RPA1: variants seen among roughly 807,000 people sequenced by gnomAD.
RPA1 encodes replication protein A1.
In RPA1, 49 loss-of-function variants were observed where a neutral mutation model predicts 83.0. The ratio of observed to expected loss-of-function variants is 0.59; its 90% CI spans 0.47 to 0.75. The LOEUF (loss-of-function observed/expected upper bound fraction) is 0.75, where lower values mean the gene tolerates loss of function less well. RPA1 is among the 30% of genes least tolerant of loss of function. RPA1 has a pLI of 0.00. For missense variants in RPA1, 693 were observed against 776.1 expected (o/e 0.89, Z 1.27); for synonymous variants, 279 against 281.8 (o/e 0.99, Z 0.10).
At chr17:1,831,862 G>A (rs888677591) in intron 1 of RPA1, among the ~76,000 whole-genome samples, 2 of 144,946 alleles carry the variant, frequency 1.4e-5, no homozygotes, top group African/African-American at 5.1e-5. Context: ...GCCTCCCAAA[G>A]TGTTGGGGTT....
chr17:1,892,341 A>G (rs1914235369), intron 15 of RPA1, among the ~76,000 whole-genome samples: 1 of 151,966 alleles, frequency 6.6e-6, no homozygotes, highest in African/African-American at 2.4e-5. Flanking sequence ...AATATTTTTT[A>G]GTTTGTTTCT....
intron 3 of RPA1, 136 bp from the exon 4 acceptor site, chr17:1,844,442 A>C: frequency 3.2e-6 from 2 of 617,356 alleles, no homozygotes; most frequent in Non-Finnish European, 5.7e-6. Context: ...ACAGTTTTTC[A>C]CTCTGCAGAG....
intron 1 of RPA1, among the ~76,000 whole-genome samples, chr17:1,831,959 C>G (rs1273924898): frequency 7.6e-6 from 1 of 132,090 alleles, no homozygotes; most frequent in Non-Finnish European, 1.6e-5. Context: ...CCATACCCCC[C>G]CACTACCGCC....
chr17:1,850,299 A>G (rs1202543205), intron 4 of RPA1, among the ~76,000 whole-genome samples: 5 of 151,726 alleles, frequency 3.3e-5, no homozygotes, highest in African/African-American at 7.3e-5. Context: ...TGGGAGGCCA[A>G]TGCAGGTGGA....
In RPA1 at chr17:1,888,759, A is replaced by G. The variant is rs758222279; in HGVS notation, c.1459A>G (p.Asn487Asp). 3.7e-6 allele frequency: 6 copies of G among 1,614,252 alleles called. No homozygotes were observed. Among genetic ancestry groups the G allele is most frequent in the Non-Finnish European group, 5.1e-6 (6 of 1,180,048 alleles). The change falls in exon 14 of 17, where the codon AAT becomes GAT. Residue 487 changes from asparagine to aspartate, a missense_variant. Physicochemically the swap from Asn to Asp is conservative, Grantham distance 23 (BLOSUM62 1). Coordinates refer to ENST00000254719, the MANE Select transcript of RPA1 (RefSeq NM_002945.5). ...MYQACPTQDC[N>D]KKVIDQQNGL... ...CCAAGCCTGCCCGACTCAGGACTGC[A>G]ATAAGAAAGTGATTGATCAACAGAA...
intron 5 of RPA1, among the ~76,000 whole-genome samples, chr17:1,855,112 G>C (rs1233331844): frequency 2.0e-5 from 3 of 152,132 alleles, no homozygotes; most frequent in Admixed American, 6.6e-5. Flanking sequence ...TGTGCTTGCT[G>C]ATGATCTGAT....
chr17:1,880,204 G>A (rs1014738610), intron 11 of RPA1, among the ~76,000 whole-genome samples: 17 of 152,134 alleles, frequency 1.1e-4, no homozygotes, highest in Non-Finnish European at 2.2e-4. Context: ...GGAGCTCCTC[G>A]TGGGGGCGGT....
intron 14 of RPA1, 28 bp downstream of exon 14, chr17:1,888,879 C>T (rs1567827416): frequency 1.9e-6 from 3 of 1,600,152 alleles, no homozygotes; most frequent in Admixed American, 1.7e-5. Context: ...ATGAGAACCA[C>T]GGTTGTGTTC....
chr17:1,877,520 T>G (rs1031045926), intron 8 of RPA1, among the ~76,000 whole-genome samples: 3 of 152,232 alleles, frequency 2.0e-5, no homozygotes, highest in African/African-American at 7.2e-5. Flanking sequence ...TGATTGTTAT[T>G]GTGCTTTTCC....
chr17:1,864,502 G>A (rs962011589), intron 5 of RPA1, among the ~76,000 whole-genome samples: 2 of 152,082 alleles, frequency 1.3e-5, no homozygotes. Flanking sequence ...TTGCACCATT[G>A]TACTCCAGCC....
intron 5 of RPA1, among the ~76,000 whole-genome samples, chr17:1,856,895 T>C (rs150319462): frequency 5.0e-4 from 76 of 152,106 alleles, no homozygotes; most frequent in Non-Finnish European, 7.8e-4. Context: ...ATCAATCTTA[T>C]TGATCTCAAA....
intron 11 of RPA1, among the ~76,000 whole-genome samples, 174 bp from the exon 12 acceptor site, chr17:1,880,369 G>A (rs1913742748): frequency 6.6e-6 from 1 of 152,216 alleles, no homozygotes; most frequent in Non-Finnish European, 1.5e-5. Flanking sequence ...GGAAAGCAGT[G>A]ATAGTTTTGA....
Position 1,888,649 on chromosome 17 carries a change from CCTCATGCTGTTCTTTT to C in RPA1, c.1375-22_1375-7del, listed in dbSNP as rs748177158. ...TCCTGGGCGGGCTCGCGACTCCGTG[CCTCATGCTGTTCTTTT>C]CTCCCGAAGCCGGACTACTTTAGTT... On this transcript the variant is annotated splice_polypyrimidine_tract_variant and intron_variant, in intron 13 of 16. Transcript: ENST00000254719. The C allele has an allele frequency of 6.3e-7, 1 of 1,595,466 alleles. No homozygotes were observed. The highest frequency in any genetic ancestry group is 1.1e-5 in the South Asian group (1 of 89,882).
chr17:1,854,876 G>GA (rs1190280374), intron 5 of RPA1, among the ~76,000 whole-genome samples: 1 of 152,134 alleles, frequency 6.6e-6, no homozygotes, highest in Non-Finnish European at 1.5e-5. Flanking sequence ...ACTATAGAAG[G>GA]AAAACAAATG....
At chr17:1,849,289 C>CTTTTTTTTTTTTTTTTTT (rs61062085) in intron 4 of RPA1, among the ~76,000 whole-genome samples, 1 of 116,320 alleles carries the variant, frequency 8.6e-6, no homozygotes, top group African/African-American at 3.4e-5. Context: ...GTTGGCTGTT[C>CTTTTTTTTTTTTTTTTTT]TTTTTTTTTT....
intron 14 of RPA1, among the ~76,000 whole-genome samples, chr17:1,890,069 C>A (rs1234496919): frequency 6.6e-6 from 1 of 151,854 alleles, no homozygotes; most frequent in Non-Finnish European, 1.5e-5. Context: ...ATATCAGAAG[C>A]CTGAAAAATG....
Position 1,880,535 on chromosome 17 carries a change from T to C in RPA1, c.1093-8T>C. ...GACACTTGTATATGTCTGGTGTTTCTTTTACAGGCTGATAAATTTGATGGT... is the reference window on the plus strand; with the variant it reads ...GACACTTGTATATGTCTGGTGTTTCCTTTACAGGCTGATAAATTTGATGGT... On this transcript the variant is annotated splice_polypyrimidine_tract_variant and splice_region_variant and intron_variant, in intron 11 of 16. Transcript: ENST00000254719. 1 of 1,612,828 alleles carries C rather than the reference T, an allele frequency of 6.2e-7. No homozygotes were observed. Among genetic ancestry groups the C allele is most frequent in the Non-Finnish European group, 8.5e-7 (1 of 1,178,958 alleles).
At chr17:1,887,388 G>A (rs1043151618) in intron 13 of RPA1, among the ~76,000 whole-genome samples, 1 of 151,276 alleles carries the variant, frequency 6.6e-6, no homozygotes, top group Admixed American at 6.6e-5. Flanking sequence ...TTAAAACCCC[G>A]TCTCTACTAA....
At chr17:1,860,659 C>T (rs1038414200) in intron 5 of RPA1, among the ~76,000 whole-genome samples, 3 of 152,038 alleles carry the variant, frequency 2.0e-5, no homozygotes, top group African/African-American at 7.3e-5. Flanking sequence ...GTTGTAAGGT[C>T]CTTGTCTGTG....
Sources: gnomAD v4.1 joint callset for allele counts (sites outside exome capture counted in the v4.1 genomes callset) on GRCh38, gnomAD v4.1.1 for gene constraint, MANE v1.5 for transcripts, NCBI Gene and HGNC (gene_info 2026-07-23, HGNC 2026-07-21) for gene names.